DPP10: variants seen among roughly 807,000 people sequenced by gnomAD.
DPP10 encodes the protein dipeptidyl peptidase like 10, also known as inactive dipeptidyl peptidase 10.
In DPP10, 33 loss-of-function variants were observed where a neutral mutation model predicts 120.9. The ratio of observed to expected loss-of-function variants is 0.27; its 90% CI spans 0.21 to 0.37. DPP10 has a LOEUF of 0.37. Ranked by LOEUF, DPP10 falls within the 10% of genes least tolerant of loss-of-function variation. DPP10 has a pLI of 1.00. For missense variants in DPP10, 816 were observed against 942.8 expected, an observed-to-expected ratio of 0.87 and a Z score of 1.76; for synonymous variants, 337 against 326.1, an observed-to-expected ratio of 1.03 and a Z score of -0.36.
At chr2:115,083,396 G>C (rs1168635594) in intron 1 of DPP10, among the ~76,000 whole-genome samples, 1 of 152,146 alleles carries the variant, frequency 6.6e-6, no homozygotes, top group Non-Finnish European at 1.5e-5. Context: ...CCCAAAGTAT[G>C]TAACTGCGTT....
chr2:114,661,968 T>G (rs1697438780), intron 1 of DPP10, among the ~76,000 whole-genome samples: 1 of 150,806 alleles, frequency 6.6e-6, no homozygotes, highest in African/African-American at 2.4e-5. Flanking sequence ...ATCGCGCCGT[T>G]GCACTCCAGC....
intron 1 of DPP10, among the ~76,000 whole-genome samples, chr2:115,135,126 T>C (rs2050584914): frequency 6.6e-6 from 1 of 151,940 alleles, no homozygotes; most frequent in Non-Finnish European, 1.5e-5. Flanking sequence ...GCAGGCAGCA[T>C]GCTAGATGTT....
In DPP10 at chr2:115,382,927, C is replaced by G. The variant is rs570834420; in HGVS notation, c.271+39015C>G. 2.0e-5 allele frequency among the ~76,000 whole-genome samples: 3 copies of G among 152,320 alleles called. No homozygotes were observed. The South Asian group carries it at 6.2e-4, about 32-fold the overall frequency. On this transcript the variant is annotated intron_variant, in intron 3 of 25. Transcript: ENST00000410059. ...AGTCAGAGAACGCTGGGGTCTGTCT[C>G]TCCTACTCTGCCACAGCATTTTTGA...
At chr2:114,460,108 A>T (rs1343196928) in intron 1 of DPP10, among the ~76,000 whole-genome samples, 1 of 152,194 alleles carries the variant, frequency 6.6e-6, no homozygotes, top group Non-Finnish European at 1.5e-5. Context: ...TGGATATGAA[A>T]ATAAATAGAG....
intron 1 of DPP10, among the ~76,000 whole-genome samples, chr2:114,658,287 T>C (rs1242365854): frequency 6.6e-6 from 1 of 151,904 alleles, no homozygotes; most frequent in Non-Finnish European, 1.5e-5. Context: ...GTGGAGAGAG[T>C]ATATGAAGGT....
chr2:115,445,686 A>G (rs999868928), intron 3 of DPP10, among the ~76,000 whole-genome samples: 7 of 152,178 alleles, frequency 4.6e-5, no homozygotes, highest in Non-Finnish European at 1.0e-4. Context: ...ACAGAGCATA[A>G]AAGTTTAGAA....
At position 115,584,064 on chromosome 2, in the gene DPP10, A is replaced by G. The variant is rs566987716; in HGVS notation, c.441+58092A>G. On this transcript the variant is annotated intron_variant, in intron 5 of 25. Coordinates refer to ENST00000410059, the MANE Select transcript of DPP10 (RefSeq NM_020868.6). The stretch of plus-strand genomic sequence containing the variant: ...CTAGCAAACAACGCCCGCCATCCCC[A>G]TATCTACTAAGTTTCCTAAGACCAT... 3.0e-4 allele frequency among the ~76,000 whole-genome samples: 46 copies of G among 152,320 alleles called. No homozygotes were observed. In the South Asian group the frequency reaches 9.3e-3, roughly 31 times the overall value.
chr2:115,720,154 G>T (rs2092609197), intron 7 of DPP10, among the ~76,000 whole-genome samples: 1 of 152,158 alleles, frequency 6.6e-6, no homozygotes, highest in South Asian at 2.1e-4. Flanking sequence ...CCCACCAGCA[G>T]TGCACGAGGG....
chr2:114,896,052 A>C (rs986208251), intron 1 of DPP10, among the ~76,000 whole-genome samples: 2 of 152,052 alleles, frequency 1.3e-5, no homozygotes, highest in African/African-American at 4.8e-5. Context: ...GTAGATATGC[A>C]GCATTATTTC....
intron 1 of DPP10, among the ~76,000 whole-genome samples, chr2:114,928,921 CAGG>C (rs1208359830): frequency 6.6e-6 from 1 of 152,202 alleles, no homozygotes; most frequent in Non-Finnish European, 1.5e-5. Flanking sequence ...GCTGGAACAA[CAGG>C]AGCTATCGGG....
intron 3 of DPP10, among the ~76,000 whole-genome samples, chr2:115,383,258 T>C (rs994785618): frequency 3.3e-5 from 5 of 152,186 alleles, no homozygotes; most frequent in African/African-American, 1.2e-4. Flanking sequence ...GTCTTTCCGA[T>C]GCTGTTCTCA....
At chr2:114,588,410 G>A (rs988305550) in intron 1 of DPP10, among the ~76,000 whole-genome samples, 2 of 152,182 alleles carry the variant, frequency 1.3e-5, no homozygotes, top group Admixed American at 6.5e-5. Flanking sequence ...TTAGGGCAAC[G>A]TTAAATGAAA....
At chr2:115,800,378 T>G (rs1426069315) in intron 19 of DPP10, among the ~76,000 whole-genome samples, 2 of 152,214 alleles carry the variant, frequency 1.3e-5, no homozygotes, top group Admixed American at 1.3e-4. Flanking sequence ...TCTCCCATTC[T>G]GTAGGTTGCC....
At chr2:114,575,332 A>T (rs1480333061) in intron 1 of DPP10, among the ~76,000 whole-genome samples, 1 of 152,098 alleles carries the variant, frequency 6.6e-6, no homozygotes, top group African/African-American at 2.4e-5. Flanking sequence ...GTCTCTGGGG[A>T]TTATATTCAT....
intron 1 of DPP10, among the ~76,000 whole-genome samples, chr2:114,941,203 A>G (rs1040520858): frequency 6.6e-6 from 1 of 152,250 alleles, no homozygotes; most frequent in Admixed American, 6.5e-5. Flanking sequence ...CATGGCATCA[A>G]AATAATGCAT....
chr2:115,829,647 C>T (rs1437646231), intron 21 of DPP10, among the ~76,000 whole-genome samples: 1 of 151,774 alleles, frequency 6.6e-6, no homozygotes, highest in Admixed American at 6.6e-5. Context: ...ATGCACAGTA[C>T]ATTTCTTTTA....
chr2:115,576,859 A>G (rs1169185373), intron 5 of DPP10, among the ~76,000 whole-genome samples: 1 of 152,214 alleles, frequency 6.6e-6, no homozygotes, highest in African/African-American at 2.4e-5. Context: ...AATACAGAGT[A>G]ATCTCTCATG....
chr2:114,962,319 T>C (rs1412554967), intron 1 of DPP10, among the ~76,000 whole-genome samples: 2 of 152,140 alleles, frequency 1.3e-5, no homozygotes, highest in Non-Finnish European at 2.9e-5. Context: ...AATGTGACGG[T>C]AAAAGAAACT....
At chr2:115,771,199 C>G (rs1018658456) in intron 13 of DPP10, among the ~76,000 whole-genome samples, 6 of 151,880 alleles carry the variant, frequency 4.0e-5, no homozygotes, top group Non-Finnish European at 8.8e-5. Flanking sequence ...CTCAGCCTCC[C>G]GAGTAGCTGG....
Sources: allele counts gnomAD v4.1 joint callset (sites outside exome capture counted in the v4.1 genomes callset), GRCh38; gene constraint gnomAD v4.1.1; transcripts MANE v1.5; gene names NCBI Gene and HGNC (gene_info 2026-07-23, HGNC 2026-07-21).